The following PTK2 variants were observed in gnomAD, a reference collection of about 807,000 sequenced individuals.
The protein encoded by PTK2 is focal adhesion kinase 1.
In PTK2, 45 loss-of-function variants were observed where a neutral mutation model predicts 150.1. The ratio of observed to expected loss-of-function variants is 0.30; its 90% CI spans 0.24 to 0.38. The LOEUF (loss-of-function observed/expected upper bound fraction) is 0.38. PTK2 is among the 10% of genes least tolerant of loss of function. The pLI is 1.00. For missense variants in PTK2, 919 were observed against 1,307.3 expected (o/e 0.70, Z 4.58); for synonymous variants, 432 against 449.2 (o/e 0.96, Z 0.48).
chr8:140,726,616 GA>G (rs370390732), intron 22 of PTK2, among the ~76,000 whole-genome samples: 3,497 of 148,690 alleles, frequency 0.024, 139 homozygotes, highest in African/African-American at 0.082. Context: ...AGGTGCTGGG[GA>G]AAAAAAAAAT....
chr8:140,678,180 G>A (rs1436898338), intron 27 of PTK2, among the ~76,000 whole-genome samples: 1 of 152,168 alleles, frequency 6.6e-6, no homozygotes, highest in African/African-American at 2.4e-5. Context: ...CTGAGTAGCT[G>A]GGATTACAAA....
intron 2 of PTK2, among the ~76,000 whole-genome samples, chr8:140,912,997 T>C (rs2100163830): frequency 6.6e-6 from 1 of 151,956 alleles, no homozygotes; most frequent in Non-Finnish European, 1.5e-5. Flanking sequence ...CAGACAAAAC[T>C]AGAGTTAACA....
intron 1 of PTK2, among the ~76,000 whole-genome samples, chr8:140,996,135 G>GA: frequency 6.6e-6 from 1 of 152,296 alleles, no homozygotes; most frequent in Non-Finnish European, 1.5e-5. Context: ...TTGATATGGA[G>GA]AAAGTTTTAG....
chr8:140,871,204 A>G lies in PTK2; in HGVS notation c.363-6805T>C, dbSNP rs2100142315. Reference sequence around the variant, plus strand: ...GATGCACTGCTCATAAAAAATCTGAAAACAAAATTTTCTAACATTTCAAAA... The same window carrying G: ...GATGCACTGCTCATAAAAAATCTGAGAACAAAATTTTCTAACATTTCAAAA... On this transcript the variant is annotated intron_variant, in intron 4 of 31. Coordinates refer to ENST00000522684, the Ensembl canonical transcript of PTK2. Among the ~76,000 whole-genome samples, 3 of 152,368 alleles carry G rather than the reference A, an allele frequency of 2.0e-5. No individual in the cohort carries two copies. In the South Asian group the frequency reaches 6.2e-4, roughly 32 times the overall value.
exon 32 of PTK2, chr8:140,657,924 T>C (rs2074925470): frequency 6.6e-6 from 1 of 152,154 alleles, no homozygotes; most frequent in African/African-American, 2.4e-5. Context: ...AGAGCATGTA[T>C]TTACCTGGAA....
Position 140,769,562 on chromosome 8 carries a change from A to T in PTK2, c.1178-5272T>A. On this transcript the variant is annotated intron_variant, in intron 14 of 31. Coordinates refer to ENST00000522684, the Ensembl canonical transcript of PTK2. ...TCTCATAGCAGTAACACAAATGTGA[A>T]AATAAATATTACCGTCCCCACTAAT... 2.2e-6 allele frequency: 3 copies of T among 1,352,034 alleles called. No homozygotes were observed. The highest frequency in any genetic ancestry group is 2.9e-6 in the Non-Finnish European group (3 of 1,018,636). The allele number at this position is 1,352,034 out of a possible 1,614,324, so 83.8% of individuals were successfully genotyped here. A position where few individuals can be genotyped will look rare whatever the true frequency, so the allele number is the denominator to read the frequency against.
At chr8:140,908,010 T>G (rs1235232179) in intron 2 of PTK2, among the ~76,000 whole-genome samples, 1 of 152,252 alleles carries the variant, frequency 6.6e-6, no homozygotes, top group Middle Eastern at 3.4e-3. Context: ...TTAAGCCTAG[T>G]GAAGAAAGCA....
intron 8 of PTK2, among the ~76,000 whole-genome samples, chr8:140,820,076 G>GTTTTTTTTTTTGTTTTT (rs2100107290): frequency 2.0e-5 from 1 of 50,194 alleles, no homozygotes; most frequent in Non-Finnish European, 4.2e-5. Context: ...TCTGACTTTG[G>GTTTTTTTTTTTGTTTTT]TTTTTTTTTT....
intron 7 of PTK2, among the ~76,000 whole-genome samples, chr8:140,834,498 A>G (rs2100117491): frequency 6.6e-6 from 1 of 152,050 alleles, no homozygotes; most frequent in Admixed American, 6.5e-5. Context: ...ACTAACAAAA[A>G]CGGTTTCTAT....
intron 1 of PTK2, among the ~76,000 whole-genome samples, chr8:140,972,339 A>C (rs1806999021): frequency 6.6e-6 from 1 of 152,122 alleles, no homozygotes; most frequent in South Asian, 2.1e-4. Context: ...ATCTCGGCTC[A>C]CTGCAACCTC....
At chr8:140,757,533 A>C (rs1416880405) in intron 16 of PTK2, among the ~76,000 whole-genome samples, 1 of 152,116 alleles carries the variant, frequency 6.6e-6, no homozygotes, top group East Asian at 1.9e-4. Flanking sequence ...ATTAAAAAAA[A>C]CCCTTTTATA....
chr8:140,710,957 T>A (rs935120744), intron 23 of PTK2, among the ~76,000 whole-genome samples: 2 of 152,190 alleles, frequency 1.3e-5, no homozygotes. Context: ...TCTTTTGTTT[T>A]GAGACAGTCA....
intron 16 of PTK2, among the ~76,000 whole-genome samples, chr8:140,755,975 A>G (rs757661476): frequency 7.9e-5 from 12 of 152,234 alleles, no homozygotes; most frequent in Non-Finnish European, 1.3e-4. Flanking sequence ...GCTTTGCACT[A>G]TAAAATTAGA....
intron 14 of PTK2, 41 bp downstream of exon 14, chr8:140,789,433 A>C: frequency 6.2e-7 from 1 of 1,601,736 alleles, no homozygotes; most frequent in South Asian, 1.1e-5. Flanking sequence ...GTCTTACCCC[A>C]TGAGAGTGCT....
At chr8:140,832,803 C>G (rs2100116270) in intron 7 of PTK2, 1 of 518,134 alleles carries the variant, frequency 1.9e-6, no homozygotes, top group Non-Finnish European at 3.8e-6. Context: ...ATGTGAGGGC[C>G]TAAAACAGAC....
intron 10 of PTK2, 38 bp downstream of exon 10, chr8:140,818,239 T>C (rs2100105895): frequency 2.0e-6 from 3 of 1,530,840 alleles, no homozygotes; most frequent in Non-Finnish European, 2.7e-6. Context: ...TTCTTCTTTG[T>C]GTAACGCCAA....
chr8:140,674,188 G>A (rs750325536), intron 29 of PTK2, 110 bp downstream of exon 32: 3 of 1,116,404 alleles, frequency 2.7e-6, no homozygotes, highest in Non-Finnish European at 2.7e-6. Context: ...ACTCTGCACT[G>A]TTCTATTTTC....
At chr8:140,986,415 A>C (rs1658646481) in intron 1 of PTK2, among the ~76,000 whole-genome samples, 1 of 152,230 alleles carries the variant, frequency 6.6e-6, no homozygotes, top group South Asian at 2.1e-4. Context: ...ATATTTTTAT[A>C]ATCTTAAAAG....
At chr8:140,902,755 C>G (rs2154607733) in intron 2 of PTK2, among the ~76,000 whole-genome samples, 1 of 152,172 alleles carries the variant, frequency 6.6e-6, no homozygotes, top group Non-Finnish European at 1.5e-5. Context: ...ACATAAATGT[C>G]TTCTTGAGAA....
Sources: gnomAD v4.1 joint callset for allele counts (sites outside exome capture counted in the v4.1 genomes callset) on GRCh38, gnomAD v4.1.1 for gene constraint, MANE v1.5 for transcripts, NCBI Gene and HGNC (gene_info 2026-07-23, HGNC 2026-07-21) for gene names.